RBM26: variants seen among roughly 807,000 people sequenced by gnomAD.
RBM26 encodes RNA-binding protein 26.
Under a neutral mutation model 123.6 loss-of-function variants are expected in RBM26, and 30 were observed. The observed-to-expected ratio is 0.24, with a 90% CI of 0.18 to 0.33. The LOEUF is 0.33. Among genes scored for constraint, RBM26 ranks in the 10% least tolerant of loss-of-function variants. The pLI is 1.00. For missense variants in RBM26, 947 were observed against 1,203.6 expected (o/e 0.79, Z 3.15); for synonymous variants, 400 against 404.4 (o/e 0.99, Z 0.13).
chr13:79,376,963 G>A (rs1419081213), intron 3 of RBM26: 1 of 159,774 alleles, frequency 6.3e-6, no homozygotes, highest in Non-Finnish European at 1.4e-5. Flanking sequence ...CCAGGAGTCT[G>A]GAATTTTGGT....
chr13:79,316,830 T>C (rs1043830838), downstream of RBM26, among the ~76,000 whole-genome samples: 7 of 151,764 alleles, frequency 4.6e-5, no homozygotes, highest in African/African-American at 1.7e-4. Flanking sequence ...AATTTTTTCC[T>C]GTAGGAAGAG....
chr13:79,395,937 T>C (rs1383629205), intron 1 of RBM26, among the ~76,000 whole-genome samples: 1 of 110,664 alleles, frequency 9.0e-6, no homozygotes, highest in African/African-American at 3.7e-5. Flanking sequence ...GAAGACATAG[T>C]GACCAATGAA....
intron 1 of RBM26, among the ~76,000 whole-genome samples, chr13:79,391,325 T>C (rs964713699): frequency 6.6e-6 from 1 of 152,230 alleles, no homozygotes; most frequent in Non-Finnish European, 1.5e-5. Flanking sequence ...AGTAACTTCA[T>C]CTCAAAATAG....
intron 1 of RBM26, among the ~76,000 whole-genome samples, chr13:79,383,403 A>G (rs7321186): frequency 0.51 from 77,376 of 152,012 alleles, 20,093 homozygotes; most frequent in Middle Eastern, 0.6. Flanking sequence ...AAAGATCTGA[A>G]ACATATTAAT....
At chr13:79,403,616 C>A (rs994924698) in intron 1 of RBM26, among the ~76,000 whole-genome samples, 87 of 152,132 alleles carry the variant, frequency 5.7e-4, no homozygotes, top group Non-Finnish European at 1.0e-3. Context: ...TAATATACAC[C>A]CATTATTTTC....
chr13:79,325,553 G>T (rs2068255263), intron 20 of RBM26, among the ~76,000 whole-genome samples: 1 of 152,062 alleles, frequency 6.6e-6, no homozygotes, highest in African/African-American at 2.4e-5. Context: ...TATTGAATAA[G>T]GATATAAAGA....
chr13:79,338,945 T>C (rs2070912411), intron 18 of RBM26, among the ~76,000 whole-genome samples: 1 of 152,208 alleles, frequency 6.6e-6, no homozygotes, highest in South Asian at 2.1e-4. Context: ...TTTGTATAAC[T>C]GTACAGATGG....
At chr13:79,341,983 G>A (rs1213436869) in intron 17 of RBM26, among the ~76,000 whole-genome samples, 1 of 151,824 alleles carries the variant, frequency 6.6e-6, no homozygotes, top group Non-Finnish European at 1.5e-5. Context: ...TTAGTTAGTT[G>A]TTGGAAGTGG....
At position 79,319,382 on chromosome 13, in the gene RBM26, T is replaced by G. The variant is rs544201539; in HGVS notation, c.*1239A>C. The G allele has an allele frequency of 1.0e-6, 1 of 984,528 alleles. No individual in the cohort carries two copies. The highest frequency in any genetic ancestry group is 1.1e-4 in the East Asian group (1 of 8,808). 61.0% of individuals were successfully genotyped at this position (984,528 alleles called of 1,614,324 possible). A position where few individuals can be genotyped will look rare whatever the true frequency, so the allele number is the denominator to read the frequency against. ...CACCCCCATTCTACAAAGAATGCAT[T>G]TATTTCCTGGAAACTGCCATATCAA... On this transcript the variant is annotated 3_prime_UTR_variant, in exon 22 of 22. Transcript: ENST00000438737.
At chr13:79,391,669 C>T (rs2078004191) in intron 1 of RBM26, among the ~76,000 whole-genome samples, 1 of 152,110 alleles carries the variant, frequency 6.6e-6, no homozygotes, top group Non-Finnish European at 1.5e-5. Context: ...AATGATCCAC[C>T]CACCTCAGCC....
chr13:79,339,158 G>A (rs1259676155), intron 18 of RBM26, among the ~76,000 whole-genome samples: 2 of 152,084 alleles, frequency 1.3e-5, no homozygotes, highest in Non-Finnish European at 2.9e-5. Flanking sequence ...AATAAGCCAG[G>A]CAAAGAAATA....
intron 1 of RBM26, among the ~76,000 whole-genome samples, chr13:79,379,178 T>C (rs527391085): frequency 1.2e-4 from 18 of 152,080 alleles, no homozygotes; most frequent in South Asian, 2.1e-4. Context: ...CCAAATGTAC[T>C]AGGAATTCAG....
In RBM26 at chr13:79,326,946, G is replaced by C. The variant is rs113546098; in HGVS notation, c.2821-4484C>G. Among the ~76,000 whole-genome samples the C allele has an allele frequency of 9.0e-3, 1,355 of 151,234 alleles. 15 individuals carry two copies. The highest frequency in any genetic ancestry group is 0.031 in the East Asian group (160 of 5,168). ...GATTAGAAGCAGTGCAATGAAATAA[G>C]GTGAAAAAGAAAAAAAAAAAGTCAT... On this transcript the variant is annotated intron_variant, in intron 20 of 21. Coordinates refer to ENST00000438737, the MANE Select transcript of RBM26 (RefSeq NM_001366735.2).
At chr13:79,363,510 A>C (rs1169553887) in intron 9 of RBM26, among the ~76,000 whole-genome samples, 1 of 152,128 alleles carries the variant, frequency 6.6e-6, no homozygotes, top group Admixed American at 6.5e-5. Context: ...TTAATGGAAA[A>C]ATCAATCCTA....
intron 14 of RBM26, among the ~76,000 whole-genome samples, chr13:79,346,958 C>T (rs537191301): frequency 6.6e-6 from 1 of 152,140 alleles, no homozygotes; most frequent in African/African-American, 2.4e-5. Flanking sequence ...ATATCGTAAC[C>T]CAATTTTCCA....
intron 1 of RBM26, among the ~76,000 whole-genome samples, chr13:79,399,782 G>A (rs2078905367): frequency 6.6e-6 from 1 of 152,102 alleles, no homozygotes; most frequent in South Asian, 2.1e-4. Context: ...GGATTATTAA[G>A]AGAGAACCTC....
At chr13:79,382,244 A>T (rs1452133688) in intron 1 of RBM26, among the ~76,000 whole-genome samples, 1 of 152,124 alleles carries the variant, frequency 6.6e-6, no homozygotes, top group African/African-American at 2.4e-5. Context: ...AATTATTTTT[A>T]AAAATTATCT....
intron 1 of RBM26, among the ~76,000 whole-genome samples, chr13:79,398,809 C>T (rs2078815014): frequency 6.6e-6 from 1 of 152,190 alleles, no homozygotes; most frequent in South Asian, 2.1e-4. Flanking sequence ...AAATAGCTCA[C>T]ATATCTGCTG....
At chr13:79,365,862 TAA>T in intron 8 of RBM26, 144 bp from the exon 9 acceptor site, 1 of 950,526 alleles carries the variant, frequency 1.1e-6, no homozygotes, top group South Asian at 2.0e-5. Context: ...TAACTTTATT[TAA>T]AAAAGTTATT....
Sources: allele counts gnomAD v4.1 joint callset (sites outside exome capture counted in the v4.1 genomes callset), GRCh38; gene constraint gnomAD v4.1.1; transcripts MANE v1.5; gene names NCBI Gene and HGNC (gene_info 2026-07-23, HGNC 2026-07-21).